Variants in ZPBP observed in about 807,000 individuals in gnomAD.
ZPBP encodes the protein zona pellucida binding protein, also known as zona pellucida-binding protein 1.
In ZPBP, 26 loss-of-function variants were observed where a neutral mutation model predicts 44.8. The observed-to-expected ratio is 0.58, with a 90% CI of 0.43 to 0.81. ZPBP has a LOEUF of 0.81. ZPBP is among the 30% of genes least tolerant of loss of function. The probability of loss-of-function intolerance (pLI) is 0.00; values close to 1 mark genes in which losing one functional copy is unlikely to be tolerated. For synonymous variants in ZPBP, 174 were observed against 153.2 expected, an observed-to-expected ratio of 1.14 and a Z score of -1.00; for missense variants, 409 against 434.0, an observed-to-expected ratio of 0.94 and a Z score of 0.51.
intron 7 of ZPBP, among the ~76,000 whole-genome samples, chr7:49,954,335 T>C (rs1219074098): frequency 6.6e-6 from 1 of 152,122 alleles, no homozygotes; most frequent in Non-Finnish European, 1.5e-5. Flanking sequence ...GCAAAAACTA[T>C]TAAATCCCTG....
chr7:49,858,272 A>G (rs1790506229), intron 2 of ZPBP, among the ~76,000 whole-genome samples: 1 of 152,156 alleles, frequency 6.6e-6, no homozygotes, highest in Non-Finnish European at 1.5e-5. Context: ...TTATTGTGGC[A>G]CTATTCACAA....
chr7:50,059,245 AT>A (rs985633014), intron 3 of ZPBP, among the ~76,000 whole-genome samples: 31 of 152,356 alleles, frequency 2.0e-4, no homozygotes, highest in East Asian at 1.5e-3. Flanking sequence ...TCCAAGACAA[AT>A]GATGAGTGTT....
intron 7 of ZPBP, among the ~76,000 whole-genome samples, chr7:49,959,671 A>C (rs1583917619): frequency 6.6e-6 from 1 of 152,322 alleles, no homozygotes; most frequent in East Asian, 1.9e-4. Flanking sequence ...ATTTGAGATA[A>C]CAATTAATTT....
At chr7:49,956,585 A>G (rs1795605973) in intron 7 of ZPBP, among the ~76,000 whole-genome samples, 1 of 152,098 alleles carries the variant, frequency 6.6e-6, no homozygotes, top group Non-Finnish European at 1.5e-5. Context: ...TCTAACAACC[A>G]TGTATAAGAT....
chr7:50,071,833 C>A (rs762387210), intron 3 of ZPBP, among the ~76,000 whole-genome samples: 3 of 152,292 alleles, frequency 2.0e-5, no homozygotes, highest in Non-Finnish European at 2.9e-5. Context: ...CATCTGCTAA[C>A]TGAAGAGCCC....
chr7:50,034,312 T>C (rs1186054544), intron 4 of ZPBP, among the ~76,000 whole-genome samples: 1 of 151,946 alleles, frequency 6.6e-6, no homozygotes, highest in Non-Finnish European at 1.5e-5. Flanking sequence ...TCCCTAGACA[T>C]CAAAACTGCT....
chr7:49,976,164 T>C (rs1218914332), intron 7 of ZPBP, among the ~76,000 whole-genome samples: 1 of 152,230 alleles, frequency 6.6e-6, no homozygotes, highest in Non-Finnish European at 1.5e-5. Flanking sequence ...TATTTAGTTC[T>C]ACATATTTTA....
At chr7:49,951,486 A>G (rs1201325071) in intron 7 of ZPBP, among the ~76,000 whole-genome samples, 2 of 151,726 alleles carry the variant, frequency 1.3e-5, no homozygotes, top group Admixed American at 1.3e-4. Context: ...CATTCAGGAA[A>G]TACAAATAAA....
intron 2 of ZPBP, among the ~76,000 whole-genome samples, chr7:49,895,181 C>G (rs995296078): frequency 1.3e-5 from 2 of 152,136 alleles, no homozygotes; most frequent in Non-Finnish European, 2.9e-5. Context: ...GGTGTCTTGC[C>G]ATGGTAGCGT....
intron 7 of ZPBP, chr7:49,943,010 G>A: frequency 3.7e-6 from 1 of 267,344 alleles, no homozygotes; most frequent in Non-Finnish European, 7.3e-6. Context: ...CACGGATTAG[G>A]AGGGTGAAAG....
intron 1 of ZPBP, chr7:49,920,921 C>T (rs1793990793): frequency 6.6e-6 from 1 of 152,048 alleles, no homozygotes; most frequent in African/African-American, 2.4e-5. Flanking sequence ...AAATGTTGTA[C>T]TTATTACATT....
intron 1 of ZPBP, among the ~76,000 whole-genome samples, chr7:49,927,714 T>C (rs1448859123): frequency 6.6e-6 from 1 of 152,146 alleles, no homozygotes; most frequent in Non-Finnish European, 1.5e-5. Flanking sequence ...AGCAGCCCAT[T>C]CCACCATTCT....
At chr7:49,843,412 C>T in the ZPBP span, among the ~76,000 whole-genome samples, 1 of 152,086 alleles carries the variant, frequency 6.6e-6, no homozygotes, top group African/African-American at 2.4e-5. Flanking sequence ...CAAATGTTTT[C>T]AGAGATTGTT....
chr7:49,898,313 G>GT (rs540380787), intron 2 of ZPBP, among the ~76,000 whole-genome samples: 4,983 of 146,840 alleles, frequency 0.034, 301 homozygotes, highest in Admixed American at 0.16. Context: ...AAACATCGAA[G>GT]TTTTTTTTTT....
intron 4 of ZPBP, among the ~76,000 whole-genome samples, chr7:50,041,823 G>A (rs554100429): frequency 1.7e-4 from 26 of 152,292 alleles, no homozygotes; most frequent in Non-Finnish European, 2.5e-4. Flanking sequence ...CAGAGAATGA[G>A]TTTGATAAAC....
intron 2 of ZPBP, among the ~76,000 whole-genome samples, chr7:50,084,325 T>C: frequency 6.9e-6 from 1 of 143,918 alleles, no homozygotes; most frequent in African/African-American, 2.6e-5. Flanking sequence ...GATAATACAG[T>C]CCCAGAAAAC....
At chr7:50,070,260 G>GC (rs1402123670) in intron 3 of ZPBP, among the ~76,000 whole-genome samples, 4 of 152,128 alleles carry the variant, frequency 2.6e-5, no homozygotes, top group Non-Finnish European at 4.4e-5. Flanking sequence ...CACTTCTGCC[G>GC]CCCCCAGCCA....
chr7:49,869,013 A>G (rs1192091728), intron 2 of ZPBP, among the ~76,000 whole-genome samples: 3 of 152,216 alleles, frequency 2.0e-5, no homozygotes, highest in Admixed American at 2.0e-4. Flanking sequence ...GGGATAAGCT[A>G]TGAATTAAGA....
chr7:49,938,223 G>A (rs7784843), intron 7 of ZPBP, among the ~76,000 whole-genome samples: 24,788 of 151,820 alleles, frequency 0.16, 2,349 homozygotes, highest in African/African-American at 0.26. Flanking sequence ...GTGTATTTTA[G>A]GTGGAAAGAG....
Sources: allele counts gnomAD v4.1 joint callset (sites outside exome capture counted in the v4.1 genomes callset), GRCh38; gene constraint gnomAD v4.1.1; transcripts MANE v1.5; gene names NCBI Gene and HGNC (gene_info 2026-07-23, HGNC 2026-07-21).